The following BRIX1 variants were observed in gnomAD, a reference collection of about 807,000 sequenced individuals.
The protein encoded by BRIX1 is biogenesis of ribosomes BRX1, also known as ribosome biogenesis protein BRX1 homolog.
Under a neutral mutation model 44.0 loss-of-function variants are expected in BRIX1, and 15 were observed. That is an observed-to-expected ratio of 0.34 (90% CI 0.23 to 0.53). The LOEUF is 0.53. Ranked by LOEUF, BRIX1 falls within the 20% of genes least tolerant of loss-of-function variation. The pLI is 0.95. For synonymous variants in BRIX1, 149 were observed against 135.4 expected (o/e 1.10, Z -0.70); for missense variants, 420 against 432.8 (o/e 0.97, Z 0.26).
At chr5:34,921,206 A>G (rs895717366) in intron 3 of BRIX1, 9 of 152,232 alleles carry the variant, frequency 5.9e-5, no homozygotes, top group African/African-American at 2.2e-4. Context: ...ATTAGAGTTT[A>G]TGAATACTAC....
chr5:34,919,232 C>T (rs567914839), intron 2 of BRIX1, among the ~76,000 whole-genome samples: 1 of 141,974 alleles, frequency 7.0e-6, no homozygotes, highest in South Asian at 2.2e-4. Flanking sequence ...GCCGTGATTG[C>T]GCCACTACAT....
chr5:34,921,268 CTT>C (rs902952256), intron 3 of BRIX1: 1 of 152,146 alleles, frequency 6.6e-6, no homozygotes, highest in African/African-American at 2.4e-5. Context: ...TCAAGTGTGA[CTT>C]TTGTAAGCCT....
chr5:34,919,959 G>A (rs1228172061), intron 3 of BRIX1, 76 bp downstream of exon 3: 1 of 589,772 alleles, frequency 1.7e-6, no homozygotes, highest in Non-Finnish European at 3.0e-6. Flanking sequence ...AAGTCATTCA[G>A]TGACTTTAAA....
At chr5:34,919,484 T>A (rs1764194242) in intron 2 of BRIX1, among the ~76,000 whole-genome samples, 1 of 152,142 alleles carries the variant, frequency 6.6e-6, no homozygotes, top group African/African-American at 2.4e-5. Flanking sequence ...CACCTAAGAT[T>A]AAAAAGTGAA....
chr5:34,916,871 CA>C (rs1764112505), intron 1 of BRIX1: 1 of 152,088 alleles, frequency 6.6e-6, no homozygotes, highest in Admixed American at 6.5e-5. Flanking sequence ...GATTGGGGGG[CA>C]GGGGGAGGGA....
In BRIX1 at chr5:34,919,820, TC is replaced by T; in HGVS notation, c.272-19del. 1 of 858,954 alleles carries T rather than the reference TC, an allele frequency of 1.2e-6. No homozygotes were observed. Among genetic ancestry groups the T allele is most frequent in the Non-Finnish European group, 1.8e-6 (1 of 567,658 alleles). 53.2% of individuals were successfully genotyped at this position (858,954 alleles called of 1,614,324 possible). A position where few individuals can be genotyped will look rare whatever the true frequency, so the allele number is the denominator to read the frequency against. On this transcript the variant is annotated intron_variant, in intron 2 of 9. Coordinates refer to ENST00000336767, the MANE Select transcript of BRIX1 (RefSeq NM_018321.4). ...AATCACCTTTAATTTACTTGCTTTTTCTTTTTTTTCTTTTTCTAGATACTAA... is the reference window on the plus strand; with the variant it reads ...AATCACCTTTAATTTACTTGCTTTTTTTTTTTTTCTTTTTCTAGATACTAA...
rs1764259916 is a variant in BRIX1, at chr5:34,922,400, C to G, written c.386+113C>G. 1.5e-5 allele frequency: 14 copies of G among 904,234 alleles called. No homozygotes were observed. The South Asian group carries it at 2.3e-4, about 15-fold the overall frequency. The allele number at this position is 904,234 out of a possible 1,614,324, so 56.0% of individuals were successfully genotyped here. A position where few individuals can be genotyped will look rare whatever the true frequency, so the allele number is the denominator to read the frequency against. On this transcript the variant is annotated intron_variant, in intron 4 of 9. Coordinates refer to ENST00000336767, the MANE Select transcript of BRIX1 (RefSeq NM_018321.4). ...TGTTAAGGGTTGAGAATGAAGCAAA[C>G]TTTTGATTTCACGAAACTTGATACC... is the stretch of plus-strand genomic sequence containing the variant.
chr5:34,916,714 T>C (rs1288801469), intron 1 of BRIX1: 1 of 152,210 alleles, frequency 6.6e-6, no homozygotes, highest in African/African-American at 2.4e-5. Context: ...AGCATAGTAC[T>C]CTAGCGCGGA....
Position 34,919,880 on chromosome 5 carries a change from C to G in BRIX1, c.312C>G (p.Asn104Lys), listed in dbSNP as rs370425530. 1 of 1,168,168 alleles carries G rather than the reference C, an allele frequency of 8.6e-7. No individual in the cohort carries two copies. Among genetic ancestry groups the G allele is most frequent in the Non-Finnish European group, 1.2e-6 (1 of 812,928 alleles). The allele number at this position is 1,168,168 out of a possible 1,614,324, so 72.4% of individuals were successfully genotyped here. A position where few individuals can be genotyped will look rare whatever the true frequency, so the allele number is the denominator to read the frequency against. The change falls in exon 3 of 10, where the codon AAC (asparagine) becomes AAG (lysine). Residue 104 changes from asparagine (N) to lysine (K), a missense_variant. Transcript: ENST00000336767. ...GTAAGGATAAGCTATTTGTGATTAA[C>G]GAGGTAATTTTGGAAAGTAATTGCA... is the stretch of plus-strand genomic sequence containing the variant. ...MDRKDKLFVINEVCEMKNCNK... is the reference protein window; with the variant it reads ...MDRKDKLFVIKEVCEMKNCNK...
At chr5:34,925,002 T>C in intron 9 of BRIX1, 27 bp downstream of exon 9, 1 of 1,607,408 alleles carries the variant, frequency 6.2e-7, no homozygotes, top group Non-Finnish European at 8.5e-7. Flanking sequence ...TTCAGTAGTC[T>C]TCAATGTACC....
At position 34,919,902 on chromosome 5, in the gene BRIX1, T is replaced by C; in HGVS notation, c.315+19T>C. The C allele has an allele frequency of 5.1e-6, 5 of 988,652 alleles. No individual in the cohort carries two copies. The highest frequency in any genetic ancestry group is 4.2e-4 in the Middle Eastern group (2 of 4,800). 61.2% of individuals were successfully genotyped at this position (988,652 alleles called of 1,614,324 possible). A position where few individuals can be genotyped will look rare whatever the true frequency, so the allele number is the denominator to read the frequency against. Reference sequence around the variant, plus strand: ...TAACGAGGTAATTTTGGAAAGTAATTGCAACAAAATATTTTTAAAATGTTA... The same window carrying C: ...TAACGAGGTAATTTTGGAAAGTAATCGCAACAAAATATTTTTAAAATGTTA... On this transcript the variant is annotated intron_variant, in intron 3 of 9. Coordinates refer to ENST00000336767, the MANE Select transcript of BRIX1 (RefSeq NM_018321.4).
At position 34,925,673 on chromosome 5, in the gene BRIX1, C is replaced by A; in HGVS notation, c.*178C>A. 1 of 552,050 alleles carries A rather than the reference C, an allele frequency of 1.8e-6. No homozygotes were observed. Among genetic ancestry groups the A allele is most frequent in the Non-Finnish European group, 3.0e-6 (1 of 333,032 alleles). 34.2% of individuals were successfully genotyped at this position (552,050 alleles called of 1,614,324 possible). On this transcript the variant is annotated 3_prime_UTR_variant, in exon 10 of 10. Coordinates refer to ENST00000336767, the MANE Select transcript of BRIX1 (RefSeq NM_018321.4). ...TTCTAAATAAAATATCACCAGAATT[C>A]ATCAGTTAATTTCTGATTTCTTTTT...
chr5:34,925,620 T>A lies in BRIX1; in HGVS notation c.*125T>A. On this transcript the variant is annotated 3_prime_UTR_variant, in exon 10 of 10. Transcript: ENST00000336767. ...TGTAGCATTTACAAGAAAGAAAAAT[T>A]AAGATCTTAAAATCAGTGATTATCT... The A allele has an allele frequency of 2.7e-6, 2 of 748,974 alleles. No homozygotes were observed. Among genetic ancestry groups the A allele is most frequent in the Non-Finnish European group, 4.0e-6 (2 of 496,748 alleles). 46.4% of individuals were successfully genotyped at this position (748,974 alleles called of 1,614,324 possible). A position where few individuals can be genotyped will look rare whatever the true frequency, so the allele number is the denominator to read the frequency against.
At chr5:34,925,143 TG>T in intron 9 of BRIX1, 82 bp from the exon 10 acceptor site, 1 of 1,454,828 alleles carries the variant, frequency 6.9e-7, no homozygotes, top group South Asian at 1.4e-5. Flanking sequence ...AAAGGATATA[TG>T]GTTCATAACT....
chr5:34,921,942 A>C, intron 3 of BRIX1: 1 of 202,228 alleles, frequency 4.9e-6, no homozygotes, highest in Non-Finnish European at 9.8e-6. Context: ...GGAGGTTTCC[A>C]GTAATCAGAA....
In BRIX1 at chr5:34,923,130, T is replaced by C. The variant is rs745592028; in HGVS notation, c.562-3T>C. 1.1e-5 allele frequency: 18 copies of C among 1,610,996 alleles called. No individual in the cohort carries two copies. Among genetic ancestry groups the C allele is most frequent in the Non-Finnish European group, 1.5e-5 (18 of 1,177,300 alleles). ...AGGAACTAACATACACTTTTTTAAC[T>C]AGATCTTTAGTACACCACGGTATCA... is the stretch of plus-strand genomic sequence containing the variant. On this transcript the variant is annotated splice_polypyrimidine_tract_variant and splice_region_variant and intron_variant, in intron 7 of 9. Coordinates refer to ENST00000336767, the MANE Select transcript of BRIX1 (RefSeq NM_018321.4).
chr5:34,923,687 G>C (rs141152005), intron 8 of BRIX1, among the ~76,000 whole-genome samples: 180 of 152,294 alleles, frequency 1.2e-3, no homozygotes, highest in African/African-American at 4.2e-3. Context: ...GATTGCAGTT[G>C]TGAGCCACTG....
Position 34,919,847 on chromosome 5 carries a change from A to C in BRIX1, c.279A>C (p.Lys93Asn), listed in dbSNP as rs1764202321. The change falls in exon 3 of 10, where the codon AAA (lysine) becomes AAC (asparagine). Residue 93 changes from lysine to asparagine, a missense_variant. Transcript: ENST00000336767. ...MLMPHSKADT[K>N]MDRKDKLFVI... is the part of the protein sequence containing the mutation. ...TTTTTTTTCTTTTTCTAGATACTAA[A>C]ATGGATCGTAAGGATAAGCTATTTG... 1 of 1,125,270 alleles carries C rather than the reference A, an allele frequency of 8.9e-7. No individual in the cohort carries two copies. The highest frequency in any genetic ancestry group is 1.3e-6 in the Non-Finnish European group (1 of 787,834). The allele number at this position is 1,125,270 out of a possible 1,614,324, so 69.7% of individuals were successfully genotyped here. A position where few individuals can be genotyped will look rare whatever the true frequency, so the allele number is the denominator to read the frequency against.
chr5:34,922,570 A>G lies in BRIX1; in HGVS notation c.418A>G (p.Lys140Glu). 7.5e-6 allele frequency: 12 copies of G among 1,609,484 alleles called. No homozygotes were observed. Among genetic ancestry groups the G allele is most frequent in the Non-Finnish European group, 1.0e-5 (12 of 1,175,976 alleles). ...LSNSPHGPSA[K>E]FLVQNIHTLA... ...AAATTCACCTCACGGACCATCTGCT[A>G]AATTCCTTGTTCAAAATAGTAAGTT... Residue 140 changes from lysine to glutamate, a missense_variant, in exon 5 of 10, where the codon AAA becomes GAA. Lys to Glu is a moderately conservative substitution (Grantham distance 56). Coordinates refer to ENST00000336767, the MANE Select transcript of BRIX1 (RefSeq NM_018321.4).
Sources: allele counts gnomAD v4.1 joint callset (sites outside exome capture counted in the v4.1 genomes callset), GRCh38; gene constraint gnomAD v4.1.1; transcripts MANE v1.5; gene names NCBI Gene and HGNC (gene_info 2026-07-23, HGNC 2026-07-21).